Variants in TTC39B observed in about 807,000 individuals in gnomAD.
TTC39B encodes tetratricopeptide repeat protein 39B.
Under a neutral mutation model 96.6 loss-of-function variants are expected in TTC39B, and 92 were observed. The ratio of observed to expected loss-of-function variants is 0.95; its 90% CI spans 0.80 to 1.13. TTC39B has a LOEUF of 1.13. Among genes scored for constraint, TTC39B ranks in the 50% most tolerant of loss-of-function variants. The pLI, the probability that TTC39B is intolerant of heterozygous loss-of-function variation, is 0.00. For synonymous variants in TTC39B, 367 were observed against 299.4 expected (o/e 1.23, Z -2.33); for missense variants, 955 against 809.3 (o/e 1.18, Z -2.18).
intron 17 of TTC39B, among the ~76,000 whole-genome samples, chr9:15,180,964 G>A (rs910038400): frequency 3.9e-5 from 6 of 152,082 alleles, no homozygotes; most frequent in Non-Finnish European, 5.9e-5. Flanking sequence ...AGTATCCCCC[G>A]CCCTGCTTAA....
chr9:15,221,124 C>G (rs1820819981), intron 3 of TTC39B, among the ~76,000 whole-genome samples: 1 of 152,106 alleles, frequency 6.6e-6, no homozygotes, highest in Non-Finnish European at 1.5e-5. Flanking sequence ...GGGAGGTTCT[C>G]AAGACTCTGC....
rs80193490 is a variant in TTC39B at position 15,189,721 on chromosome 9, G to A, written c.1173+4C>T. 2.4e-3 allele frequency: 3,865 copies of A among 1,613,874 alleles called. 79 individuals carry two copies. In the African/African-American group the frequency reaches 0.044, roughly 19 times the overall value. On this transcript the variant is annotated splice_donor_region_variant and intron_variant, in intron 12 of 19. Coordinates refer to ENST00000512701, the Ensembl canonical transcript of TTC39B. ...AAACATACACTTTGAAATACTGAGC[G>A]TACATTTGGAAACTGCTGGAGGAAG...
At chr9:15,303,696 G>A (rs998626951) in intron 1 of TTC39B, among the ~76,000 whole-genome samples, 1 of 151,394 alleles carries the variant, frequency 6.6e-6, no homozygotes, top group Non-Finnish European at 1.5e-5. Flanking sequence ...ACAATGGTGC[G>A]ATCTCAGCTC....
At chr9:15,283,541 T>C (rs1490812777) in intron 1 of TTC39B, among the ~76,000 whole-genome samples, 1 of 112,132 alleles carries the variant, frequency 8.9e-6, no homozygotes, top group Non-Finnish European at 2.0e-5. Flanking sequence ...ACTTTTTACA[T>C]ACAGAGAACT....
exon 20 of TTC39B, chr9:15,171,316 C>T (rs1743454066): frequency 6.6e-6 from 1 of 152,118 alleles, no homozygotes; most frequent in Admixed American, 6.6e-5. Context: ...AAATATGACA[C>T]TTCCTTCCCT....
intron 17 of TTC39B, among the ~76,000 whole-genome samples, chr9:15,179,268 A>G (rs1818120943): frequency 6.6e-6 from 1 of 152,214 alleles, no homozygotes. Context: ...GTGACAGTAG[A>G]GAGGACGGCA....
At chr9:15,167,012 ATATATATATATATATATT>A (rs1431363514) in exon 20 of TTC39B, 6 of 6,328 alleles carry the variant, frequency 9.5e-4, no homozygotes, top group African/African-American at 4.8e-3. Context: ...ATATATATAT[ATATATATATATATATATT>A]TTTTTTTTTT....
At position 15,189,707 on chromosome 9, in the gene TTC39B, T is replaced by C; in HGVS notation, c.1173+18A>G. The C allele has an allele frequency of 6.2e-7, 1 of 1,614,070 alleles. No homozygotes were observed. Among genetic ancestry groups the C allele is most frequent in the South Asian group, 1.1e-5 (1 of 91,056 alleles). ...ATTAATTATGGTTGAAACATACACT[T>C]TGAAATACTGAGCGTACATTTGGAA... is the stretch of plus-strand genomic sequence containing the variant. On this transcript the variant is annotated intron_variant, in intron 12 of 19. Coordinates refer to ENST00000512701, the Ensembl canonical transcript of TTC39B.
chr9:15,186,326 G>A (rs1188355574), intron 15 of TTC39B, among the ~76,000 whole-genome samples: 2 of 152,066 alleles, frequency 1.3e-5, no homozygotes, highest in African/African-American at 2.4e-5. Flanking sequence ...GTCAGAGGAA[G>A]GGGTCAGAAG....
In TTC39B at chr9:15,215,318, G is replaced by A. The variant is rs138395531; in HGVS notation, c.372-1069C>T. 3.7e-3 allele frequency among the ~76,000 whole-genome samples: 559 copies of A among 152,250 alleles called. 1 individual carries two copies. Among genetic ancestry groups the A allele is most frequent in the Non-Finnish European group, 5.0e-3 (342 of 68,010 alleles). Reference sequence around the variant, plus strand: ...AGTGCCTGTAATCTCAGCACTTTGGGAGGCCAAGGCAGGTGAATCACTTGA... The same window carrying A: ...AGTGCCTGTAATCTCAGCACTTTGGAAGGCCAAGGCAGGTGAATCACTTGA... On this transcript the variant is annotated intron_variant, in intron 3 of 19. Coordinates refer to ENST00000512701, the Ensembl canonical transcript of TTC39B.
At chr9:15,203,966 C>A in intron 6 of TTC39B, 76 bp from the exon 7 acceptor site, 2 of 1,395,834 alleles carry the variant, frequency 1.4e-6, no homozygotes, top group South Asian at 2.7e-5. Context: ...TCAGGAAAGA[C>A]TGGCAGAAAA....
chr9:15,182,727 T>A (rs912723873), intron 16 of TTC39B, among the ~76,000 whole-genome samples: 4 of 152,222 alleles, frequency 2.6e-5, no homozygotes, highest in African/African-American at 9.6e-5. Flanking sequence ...AATAATTCTG[T>A]TTAATGTAAA....
chr9:15,261,261 T>G (rs1432693699), intron 2 of TTC39B, among the ~76,000 whole-genome samples: 15 of 152,052 alleles, frequency 9.9e-5, no homozygotes, highest in Admixed American at 9.8e-4. Flanking sequence ...GGAGGATCAC[T>G]TGAGTCCAGG....
chr9:15,198,884 T>C (rs1283262813), intron 8 of TTC39B, among the ~76,000 whole-genome samples: 2 of 152,176 alleles, frequency 1.3e-5, no homozygotes. Context: ...ATAAAAAGCA[T>C]GAGTGCCTAT....
At chr9:15,266,254 T>TA (rs1823126547) in intron 2 of TTC39B, among the ~76,000 whole-genome samples, 2 of 151,992 alleles carry the variant, frequency 1.3e-5, no homozygotes, top group African/African-American at 4.8e-5. Flanking sequence ...AGTTTTTTTT[T>TA]TAAAAAATCA....
intron 1 of TTC39B, among the ~76,000 whole-genome samples, chr9:15,303,819 G>C (rs1824676313): frequency 6.6e-6 from 1 of 151,930 alleles, no homozygotes; most frequent in Admixed American, 6.6e-5. Flanking sequence ...ATTTTTAGTA[G>C]AGACTGGGTG....
At chr9:15,199,521 G>A (rs750988788) in intron 8 of TTC39B, among the ~76,000 whole-genome samples, 1 of 151,684 alleles carries the variant, frequency 6.6e-6, no homozygotes, top group East Asian at 1.9e-4. Context: ...GGATCACGAG[G>A]TCAGGAGATC....
chr9:15,168,031 T>C (rs1480195855), exon 20 of TTC39B: 1 of 152,196 alleles, frequency 6.6e-6, no homozygotes, highest in Non-Finnish European at 1.5e-5. Flanking sequence ...TTCACAGATA[T>C]GTATGTGAAG....
At chr9:15,303,619 T>G (rs1824668505) in intron 1 of TTC39B, among the ~76,000 whole-genome samples, 1 of 152,034 alleles carries the variant, frequency 6.6e-6, no homozygotes, top group East Asian at 1.9e-4. Context: ...GAACTTTTGT[T>G]TCATATGAGA....
Sources: allele counts gnomAD v4.1 joint callset (sites outside exome capture counted in the v4.1 genomes callset), GRCh38; gene constraint gnomAD v4.1.1; transcripts MANE v1.5; gene names NCBI Gene and HGNC (gene_info 2026-07-23, HGNC 2026-07-21).